EARS2: variants seen among roughly 807,000 people sequenced by gnomAD.
EARS2 encodes glutamyl-tRNA synthetase 2, mitochondrial.
A neutral mutation model predicts 54.1 loss-of-function variants in EARS2; 50 were observed. That is an observed-to-expected ratio of 0.92 (90% CI 0.74 to 1.17). EARS2 has a LOEUF of 1.17. EARS2 is among the 50% of genes most tolerant of loss of function. The probability of loss-of-function intolerance (pLI) is 0.00; values close to 1 mark genes in which losing one functional copy is unlikely to be tolerated. For synonymous variants in EARS2, 298 were observed against 281.0 expected (o/e 1.06, Z -0.61); for missense variants, 673 against 675.0 (o/e 1.00, Z 0.03).
At chr16:23,533,431 T>C (rs1370806380) in intron 4 of EARS2, among the ~76,000 whole-genome samples, 1 of 152,046 alleles carries the variant, frequency 6.6e-6, no homozygotes, top group Non-Finnish European at 1.5e-5. Context: ...CATGAGCCAC[T>C]GTGCCCGCCC....
intron 3 of EARS2, among the ~76,000 whole-genome samples, chr16:23,539,201 CCT>C (rs1361133069): frequency 6.6e-6 from 1 of 152,002 alleles, no homozygotes; most frequent in Non-Finnish European, 1.5e-5. Flanking sequence ...GCAGTTGTGT[CCT>C]TTTTTTGCTC....
At chr16:23,527,593 G>A (rs1313030796) in intron 7 of EARS2, among the ~76,000 whole-genome samples, 2 of 128,508 alleles carry the variant, frequency 1.6e-5, no homozygotes, top group Non-Finnish European at 3.1e-5. Context: ...TTGCTCTGTC[G>A]CCCAGGCTGG....
chr16:23,529,591 G>T lies in EARS2; in HGVS notation c.1263C>A (p.Tyr421Ter). ...CRLQDLVSPV[Y>*]SYLWTRPAVG... ...CTGCAGGGCGAGTCCACAGGTAAGA[G>T]TATACTGGGGACACCAAGTCCTGCA... is the stretch of plus-strand genomic sequence containing the variant. Residue 421 changes from tyrosine to a stop codon, truncating the protein, a stop_gained, in exon 7 of 9, where the codon TAC becomes TAA. Coordinates refer to ENST00000449606, the MANE Select transcript of EARS2 (RefSeq NM_001083614.2). LOFTEE classifies it high-confidence loss of function. The T allele has an allele frequency of 6.2e-7, 1 of 1,614,166 alleles. No homozygotes were observed. Among genetic ancestry groups the T allele is most frequent in the Non-Finnish European group, 8.5e-7 (1 of 1,180,032 alleles).
At position 23,557,236 on chromosome 16, in the gene EARS2, C is replaced by T. The variant is rs903254158; in HGVS notation, c.108G>A (p.Ala36=). 3 of 1,519,756 alleles carry T rather than the reference C, an allele frequency of 2.0e-6. No individual in the cohort carries two copies. The highest frequency in any genetic ancestry group is 2.2e-5 in the Admixed American group (1 of 45,534). 94.1% of individuals were successfully genotyped at this position (1,519,756 alleles called of 1,614,324 possible). The part of the protein sequence containing the change: ...EANLGTDAGV[A]VRVRFAPSPT... ...GGCTGGGAGCGAACCGCACTCGCAC[C>T]GCAACCCCGGCATCAGTGCCCAGGT... Residue 36 remains alanine, a synonymous_variant, in exon 1 of 9, where the codon GCG becomes GCA. Transcript: ENST00000449606.
At chr16:23,550,312 A>AGCTGTGTTT in intron 2 of EARS2, among the ~76,000 whole-genome samples, 1 of 151,322 alleles carries the variant, frequency 6.6e-6, no homozygotes, top group Non-Finnish European at 1.5e-5. Flanking sequence ...GATTACAGTG[A>AGCTGTGTTT]GCTGTGTTTG....
chr16:23,546,855 C>T (rs1965611691), intron 2 of EARS2, among the ~76,000 whole-genome samples: 1 of 152,240 alleles, frequency 6.6e-6, no homozygotes, highest in Admixed American at 6.5e-5. Flanking sequence ...TGGCACCCAG[C>T]CATCTGTGAT....
At chr16:23,548,874 C>T (rs556930435) in intron 2 of EARS2, among the ~76,000 whole-genome samples, 6 of 152,242 alleles carry the variant, frequency 3.9e-5, no homozygotes, top group African/African-American at 1.4e-4. Flanking sequence ...ATGGACCAAT[C>T]GGCAGGCATG....
chr16:23,539,617 T>C (rs2106455), intron 3 of EARS2, among the ~76,000 whole-genome samples: 126,810 of 151,754 alleles, frequency 0.84, 53,114 homozygotes, highest in Middle Eastern at 0.9. Context: ...TACCGTTAAA[T>C]TAGACTAGGA....
chr16:23,557,168 G>C (rs767387586), intron 1 of EARS2, 37 bp downstream of exon 1: 2 of 1,504,806 alleles, frequency 1.3e-6, no homozygotes, highest in Non-Finnish European at 1.8e-6. Flanking sequence ...ACGGGACAGG[G>C]GGCCTCGGCC....
chr16:23,557,269 G>A lies in EARS2; in HGVS notation c.75C>T (p.Arg25=). The A allele has an allele frequency of 6.6e-7, 1 of 1,522,700 alleles. No homozygotes were observed. The highest frequency in any genetic ancestry group is 8.7e-7 in the Non-Finnish European group (1 of 1,146,140). 94.3% of individuals were successfully genotyped at this position (1,522,700 alleles called of 1,614,324 possible). A position where few individuals can be genotyped will look rare whatever the true frequency, so the allele number is the denominator to read the frequency against. The change falls in exon 1 of 9, where the codon CGC becomes CGT. Residue 25 remains arginine, a synonymous_variant. Coordinates refer to ENST00000449606, the MANE Select transcript of EARS2 (RefSeq NM_001083614.2). ...CGGCATCAGTGCCCAGGTTGGCCTC[G>A]CGCCGTCCTACGGGGCGGCCAGAGG... The part of the protein sequence containing the change: ...SAASGRPVGR[R]EANLGTDAGV...
At chr16:23,526,627 G>C (rs1255309771) in intron 7 of EARS2, among the ~76,000 whole-genome samples, 1 of 152,122 alleles carries the variant, frequency 6.6e-6, no homozygotes, top group Non-Finnish European at 1.5e-5. Context: ...GGTAGAGAGA[G>C]ACTTCTTTGG....
At chr16:23,532,593 TGTAGG>T in intron 5 of EARS2, 59 bp downstream of exon 5, 5 of 1,225,544 alleles carry the variant, frequency 4.1e-6, no homozygotes, top group Non-Finnish European at 6.0e-6. Flanking sequence ...TACCCTCTGC[TGTAGG>T]GATCATCATA....
At position 23,535,273 on chromosome 16, in the gene EARS2, C is replaced by T; in HGVS notation, c.573G>A (p.Leu191=). The change falls in exon 4 of 9, where the codon CTG becomes CTA. Residue 191 remains leucine (L), a synonymous_variant. Coordinates refer to ENST00000449606, the MANE Select transcript of EARS2 (RefSeq NM_001083614.2). ...KDPKPAIRFR[L]EQVVPAFQDL... is the part of the protein sequence containing the mutation. ...CCTGGAAGGCTGGCACCACCTGCTC[C>T]AGGCGGAAGCGGATCGCAGGCTTGG... The T allele has an allele frequency of 6.2e-7, 1 of 1,608,112 alleles. No homozygotes were observed. The highest frequency in any genetic ancestry group is 8.5e-7 in the Non-Finnish European group (1 of 1,179,004).
intron 1 of EARS2, among the ~76,000 whole-genome samples, chr16:23,554,803 C>CAA (rs1965750091): frequency 6.6e-6 from 1 of 152,212 alleles, no homozygotes; most frequent in Admixed American, 6.5e-5. Context: ...AGAAGGAACT[C>CAA]TACTTAACTT....
chr16:23,544,748 G>A (rs778819842), intron 2 of EARS2, 45 bp from the exon 3 acceptor site: 73 of 1,505,288 alleles, frequency 4.8e-5, no homozygotes, highest in Non-Finnish European at 5.8e-5. Context: ...CACAGCGCTC[G>A]TTCTCAGGCA....
intron 3 of EARS2, among the ~76,000 whole-genome samples, chr16:23,543,695 T>C (rs554835006): frequency 1.2e-3 from 183 of 147,558 alleles, no homozygotes; most frequent in African/African-American, 4.5e-3. Context: ...ATTGCACCAC[T>C]GCGCTCCAGC....
Position 23,522,049 on chromosome 16 carries a change from A to C in EARS2, c.*2322T>G, listed in dbSNP as rs1965148503. 2 of 327,108 alleles carry C rather than the reference A, an allele frequency of 6.1e-6. No homozygotes were observed. Among genetic ancestry groups the C allele is most frequent in the Non-Finnish European group, 1.2e-5 (2 of 164,326 alleles). The allele number at this position is 327,108 out of a possible 1,614,324, so 20.3% of individuals were successfully genotyped here. A position where few individuals can be genotyped will look rare whatever the true frequency, so the allele number is the denominator to read the frequency against. ...TAAAAAAAATTTACTGAGATGATGG[A>C]CTAAGGCATTTACGAGCATTATCTG... On this transcript the variant is annotated 3_prime_UTR_variant, in exon 9 of 9. Coordinates refer to ENST00000449606, the MANE Select transcript of EARS2 (RefSeq NM_001083614.2).
At chr16:23,530,048 TA>T in intron 5 of EARS2, 151 bp from the exon 6 acceptor site, 1 of 967,390 alleles carries the variant, frequency 1.0e-6, no homozygotes, top group Non-Finnish European at 1.5e-6. Context: ...TTCACGTTTA[TA>T]AAAAGAAAGG....
rs1427676671 is a variant in EARS2 at position 23,527,833 on chromosome 16, G to GT, written c.1352+1668dup. On this transcript the variant is annotated intron_variant, in intron 7 of 8. Transcript: ENST00000449606. ...CTCACAAAGTGCTGGGATTACAGGC[G>GT]TGAGTCACCGCGCCCAGCAAAGGAT... is the stretch of plus-strand genomic sequence containing the variant. Among the ~76,000 whole-genome samples, 6 of 152,170 alleles carry GT rather than the reference G, an allele frequency of 3.9e-5. No homozygotes were observed. In the East Asian group the frequency reaches 1.2e-3, roughly 29 times the overall value.
Sources: gnomAD v4.1 joint callset for allele counts (sites outside exome capture counted in the v4.1 genomes callset) on GRCh38, gnomAD v4.1.1 for gene constraint, MANE v1.5 for transcripts, NCBI Gene and HGNC (gene_info 2026-07-23, HGNC 2026-07-21) for gene names.